The following ZNF98 variants were observed in gnomAD, a reference collection of about 807,000 sequenced individuals.
ZNF98 encodes the protein zinc finger protein 98.
A neutral mutation model predicts 12.8 loss-of-function variants in ZNF98; 8 were observed. The ratio of observed to expected loss-of-function variants is 0.63; its 90% CI spans 0.37 to 1.13. ZNF98 has a LOEUF of 1.13. Among genes scored for constraint, ZNF98 ranks in the 50% most tolerant of loss-of-function variants. The pLI is 0.01. For missense variants in ZNF98, 379 were observed against 666.1 expected (o/e 0.57, Z 4.74); for synonymous variants, 112 against 223.5 (o/e 0.50, Z 4.45).
At chr19:22,394,108 G>C (rs1461414189) in intron 3 of ZNF98, among the ~76,000 whole-genome samples, 1 of 147,184 alleles carries the variant, frequency 6.8e-6, no homozygotes, top group African/African-American at 2.5e-5. Flanking sequence ...CTGGCCATCC[G>C]AGAAATGCAA....
Position 22,417,522 on chromosome 19 carries a change from T to C in ZNF98, c.30+4673A>G, listed in dbSNP as rs933725109. ...TGAGTGGGAAACAGTGCAATGCAGG[T>C]GGAAGAACTGGTTTGTGCTACAGAT... On this transcript the variant is annotated intron_variant, in intron 1 of 3. Transcript: ENST00000357774. Among the ~76,000 whole-genome samples the C allele has an allele frequency of 2.6e-5, 4 of 152,028 alleles. No homozygotes were observed. In the East Asian group the frequency reaches 5.8e-4, roughly 22 times the overall value.
At chr19:22,406,775 C>G (rs1161281258) in intron 1 of ZNF98, among the ~76,000 whole-genome samples, 2 of 151,278 alleles carry the variant, frequency 1.3e-5, no homozygotes, top group Non-Finnish European at 2.9e-5. Context: ...TGAGATCGCG[C>G]CACTGCACTC....
intron 1 of ZNF98, among the ~76,000 whole-genome samples, chr19:22,404,523 A>G (rs1445352289): frequency 6.6e-6 from 1 of 152,210 alleles, no homozygotes; most frequent in Non-Finnish European, 1.5e-5. Context: ...AATGAACTCT[A>G]TAGAAAAAAA....
Position 22,391,312 on chromosome 19 carries a change from C to T in ZNF98, c.*204G>A. 1 of 1,061,158 alleles carries T rather than the reference C, an allele frequency of 9.4e-7. No homozygotes were observed. Among genetic ancestry groups the T allele is most frequent in the Admixed American group, 3.1e-5 (1 of 32,152 alleles). 65.7% of individuals were successfully genotyped at this position (1,061,158 alleles called of 1,614,324 possible). ...TCTCTGATGCTGAATAAGATGTGTG[C>T]AGATATTAATCACTTTTTTACTTTC... On this transcript the variant is annotated 3_prime_UTR_variant, in exon 4 of 4. Transcript: ENST00000357774.
At chr19:22,414,977 T>C (rs1329225423) in intron 1 of ZNF98, among the ~76,000 whole-genome samples, 1 of 152,098 alleles carries the variant, frequency 6.6e-6, no homozygotes, top group Non-Finnish European at 1.5e-5. Context: ...TTGCAAACTA[T>C]GCTTTTGACA....
intron 2 of ZNF98, 40 bp downstream of exon 2, chr19:22,403,346 T>C: frequency 1.3e-6 from 2 of 1,519,898 alleles, no homozygotes; most frequent in Middle Eastern, 1.7e-4. Context: ...ATAAAATTTA[T>C]AGGGTATATT....
At chr19:22,404,451 ATTAAAT>A (rs1969497686) in intron 1 of ZNF98, among the ~76,000 whole-genome samples, 1 of 152,238 alleles carries the variant, frequency 6.6e-6, no homozygotes, top group Non-Finnish European at 1.5e-5. Flanking sequence ...CAGCTGCCAG[ATTAAAT>A]GTGATTGTTT....
chr19:22,405,751 A>T (rs751259135), intron 1 of ZNF98, among the ~76,000 whole-genome samples: 6 of 152,148 alleles, frequency 3.9e-5, no homozygotes, highest in Non-Finnish European at 7.4e-5. Flanking sequence ...CTGCTGTCTA[A>T]GCCATCTGAG....
At chr19:22,420,622 C>T (rs970887332) in intron 1 of ZNF98, among the ~76,000 whole-genome samples, 4 of 152,000 alleles carry the variant, frequency 2.6e-5, no homozygotes, top group African/African-American at 9.7e-5. Flanking sequence ...GCTGCACTCC[C>T]TACCTCAGGT....
intron 1 of ZNF98, among the ~76,000 whole-genome samples, chr19:22,412,635 A>C (rs1969591955): frequency 7.8e-6 from 1 of 128,592 alleles, no homozygotes; most frequent in African/African-American, 3.0e-5. Context: ...GCAGGAGTAA[A>C]ATCTTAAAAA....
intron 1 of ZNF98, among the ~76,000 whole-genome samples, chr19:22,418,952 C>T (rs747966468): frequency 1.3e-5 from 2 of 152,110 alleles, no homozygotes; most frequent in African/African-American, 2.4e-5. Flanking sequence ...AGTTTATCTC[C>T]GCCCCATAGG....
intron 3 of ZNF98, among the ~76,000 whole-genome samples, chr19:22,397,038 G>A (rs1339375085): frequency 1.3e-5 from 2 of 151,528 alleles, no homozygotes; most frequent in East Asian, 3.9e-4. Context: ...AGAATCACTT[G>A]AACCTAGGAG....
intron 1 of ZNF98, among the ~76,000 whole-genome samples, chr19:22,406,698 T>C (rs1969523105): frequency 6.6e-6 from 1 of 151,754 alleles, no homozygotes; most frequent in Non-Finnish European, 1.5e-5. Context: ...GCACCTGTAG[T>C]CCCAGTTACT....
chr19:22,394,171 A>G (rs1306496523), intron 3 of ZNF98, among the ~76,000 whole-genome samples: 1 of 145,634 alleles, frequency 6.9e-6, no homozygotes, highest in African/African-American at 2.5e-5. Flanking sequence ...GTGATCATTA[A>G]AAAGTCAGGA....
At chr19:22,396,882 A>T (rs1469377052) in intron 3 of ZNF98, among the ~76,000 whole-genome samples, 1 of 152,056 alleles carries the variant, frequency 6.6e-6, no homozygotes, top group African/African-American at 2.4e-5. Context: ...GCACTTTGGG[A>T]GGCTGAGGCA....
chr19:22,406,121 T>C (rs1454285705), intron 1 of ZNF98, among the ~76,000 whole-genome samples: 3 of 151,964 alleles, frequency 2.0e-5, no homozygotes, highest in Non-Finnish European at 2.9e-5. Context: ...CAAGGGACAA[T>C]AAAAGTGCTT....
intron 1 of ZNF98, among the ~76,000 whole-genome samples, chr19:22,404,865 C>T (rs1348744286): frequency 2.0e-5 from 3 of 152,004 alleles, no homozygotes; most frequent in Non-Finnish European, 2.9e-5. Flanking sequence ...TTTTCTTAAT[C>T]CTGTTCTGCA....
In ZNF98 at chr19:22,402,790, T is replaced by C. The variant is rs1208276371; in HGVS notation, c.252A>G (p.Pro84=). Residue 84 remains proline, a splice_region_variant and synonymous_variant, in exon 3 of 4, where the codon CCA becomes CCG. Coordinates refer to ENST00000357774, the MANE Select transcript of ZNF98 (RefSeq NM_001098626.2). ...GTATTCACTTTCACTCTCACCTACC[T>C]GGGGGTTCAGTTACCATCTCATGTC... The part of the protein sequence containing the change: ...VKRHEMVTEP[P]VVYSYFAQDL... 5 of 1,585,932 alleles carry C rather than the reference T, an allele frequency of 3.2e-6. No individual in the cohort carries two copies. The highest frequency in any genetic ancestry group is 1.4e-5 in the African/African-American group (1 of 72,898).
At chr19:22,408,613 A>G (rs1969548010) in intron 1 of ZNF98, among the ~76,000 whole-genome samples, 1 of 152,244 alleles carries the variant, frequency 6.6e-6, no homozygotes, top group African/African-American at 2.4e-5. Flanking sequence ...TACAAAATCA[A>G]TGTGCAAAAA....
Sources: gnomAD v4.1 joint callset for allele counts (sites outside exome capture counted in the v4.1 genomes callset) on GRCh38, gnomAD v4.1.1 for gene constraint, MANE v1.5 for transcripts, NCBI Gene and HGNC (gene_info 2026-07-23, HGNC 2026-07-21) for gene names.